Variants in TM2D1 observed in about 807,000 individuals in gnomAD.
TM2D1 encodes the protein TM2 domain-containing protein 1.
A neutral mutation model predicts 28.4 loss-of-function variants in TM2D1; 15 were observed. The ratio of observed to expected loss-of-function variants is 0.53; its 90% CI spans 0.35 to 0.81. The LOEUF (loss-of-function observed/expected upper bound fraction) is 0.81. TM2D1 is among the 40% of genes least tolerant of loss of function. The probability of loss-of-function intolerance (pLI) is 0.01; values close to 1 mark genes in which losing one functional copy is unlikely to be tolerated. For missense variants in TM2D1, 236 were observed against 254.9 expected (o/e 0.93, Z 0.50); for synonymous variants, 93 against 96.2 (o/e 0.97, Z 0.20).
chr1:61,724,930 T>C (rs755200587), intron 1 of TM2D1, 27 bp downstream of exon 1: 1 of 1,563,108 alleles, frequency 6.4e-7, no homozygotes, highest in Admixed American at 1.8e-5. Context: ...CTCGCCTCCA[T>C]GGGGGGGTGT....
At chr1:61,700,129 G>T in intron 4 of TM2D1, 2 of 1,484,470 alleles carry the variant, frequency 1.3e-6, no homozygotes, top group Non-Finnish European at 1.8e-6. Context: ...GAGGTCACTA[G>T]CTGAGTGTCC....
At chr1:61,705,860 G>C (rs1644436630) in intron 3 of TM2D1, among the ~76,000 whole-genome samples, 1 of 152,078 alleles carries the variant, frequency 6.6e-6, no homozygotes, top group South Asian at 2.1e-4. Context: ...TCATCAATCA[G>C]ACATGGTTAC....
chr1:61,722,335 T>C (rs1013671967), intron 2 of TM2D1, among the ~76,000 whole-genome samples: 9 of 152,056 alleles, frequency 5.9e-5, no homozygotes, highest in Non-Finnish European at 4.4e-5. Context: ...TTAGTATGTA[T>C]ACATTTATTT....
chr1:61,707,821 C>CT (rs1644451539), intron 3 of TM2D1, among the ~76,000 whole-genome samples: 1 of 151,956 alleles, frequency 6.6e-6, no homozygotes, highest in South Asian at 2.1e-4. Context: ...TGGTTTATTT[C>CT]TTTTTTTTCT....
chr1:61,697,483 G>A (rs889632273), intron 4 of TM2D1: 2 of 152,072 alleles, frequency 1.3e-5, no homozygotes, highest in Non-Finnish European at 2.9e-5. Flanking sequence ...GAAATTACAA[G>A]TGTGAGTCAC....
intron 4 of TM2D1, 77 bp downstream of exon 4, chr1:61,700,857 A>G (rs1467695119): frequency 2.9e-6 from 3 of 1,034,942 alleles, no homozygotes; most frequent in Non-Finnish European, 4.3e-6. Context: ...ATACACAGAG[A>G]TTTAATCCAT....
chr1:61,694,629 A>G, intron 5 of TM2D1, 68 bp downstream of exon 5: 1 of 1,056,298 alleles, frequency 9.5e-7, no homozygotes, highest in South Asian at 1.5e-5. Flanking sequence ...CATTTTAAAT[A>G]GAACAGGAGA....
At position 61,707,215 on chromosome 1, in the gene TM2D1, G is replaced by A. The variant is rs146230737; in HGVS notation, c.347+2114C>T. Among the ~76,000 whole-genome samples the A allele has an allele frequency of 1.4e-3, 214 of 151,788 alleles. 3 individuals are homozygous for A. In the East Asian group the frequency reaches 0.032, roughly 23 times the overall value. On this transcript the variant is annotated intron_variant, in intron 3 of 6. Coordinates refer to ENST00000606498, the MANE Select transcript of TM2D1 (RefSeq NM_032027.3). ...GGCTGCAATGAGACATGATTGTGAC[G>A]CTGCACTCCAGCCTGGGCTACAGAG...
chr1:61,714,585 G>C (rs1421291665), intron 2 of TM2D1, among the ~76,000 whole-genome samples: 1 of 152,016 alleles, frequency 6.6e-6, no homozygotes, highest in East Asian at 1.9e-4. Context: ...TTTGTGGCAG[G>C]GTCTTGTCAC....
At chr1:61,716,999 C>T (rs2148066161) in intron 2 of TM2D1, among the ~76,000 whole-genome samples, 1 of 152,210 alleles carries the variant, frequency 6.6e-6, no homozygotes, top group South Asian at 2.1e-4. Context: ...TTATCCCATG[C>T]TAACACTGAT....
intron 2 of TM2D1, among the ~76,000 whole-genome samples, chr1:61,711,150 C>A (rs1644475613): frequency 6.6e-6 from 1 of 151,956 alleles, no homozygotes; most frequent in Admixed American, 6.6e-5. Context: ...CCAGCCTGGG[C>A]AACATGGCGA....
Position 61,681,140 on chromosome 1 carries a change from T to C in TM2D1, c.*230A>G, listed in dbSNP as rs912035270. ...TAAAGAGTATCAGAGTAATAAGCTA[T>C]CTCTCATAGAGACAGAAGCCCGAGA... On this transcript the variant is annotated 3_prime_UTR_variant, in exon 7 of 7. Transcript: ENST00000606498. 1.3e-5 allele frequency: 2 copies of C among 153,722 alleles called. No individual in the cohort carries two copies. Among genetic ancestry groups the C allele is most frequent in the African/African-American group, 4.8e-5 (2 of 41,444 alleles). The allele number at this position is 153,722 out of a possible 1,614,324, so 9.5% of individuals were successfully genotyped here. A position where few individuals can be genotyped will look rare whatever the true frequency, so the allele number is the denominator to read the frequency against.
chr1:61,719,581 C>T (rs902191116), intron 2 of TM2D1, among the ~76,000 whole-genome samples: 1 of 152,026 alleles, frequency 6.6e-6, no homozygotes, highest in Non-Finnish European at 1.5e-5. Context: ...CAACCTCCAC[C>T]TCCCGGGTTC....
intron 2 of TM2D1, among the ~76,000 whole-genome samples, chr1:61,723,153 C>T (rs980302141): frequency 1.3e-5 from 2 of 152,112 alleles, no homozygotes; most frequent in African/African-American, 4.8e-5. Context: ...TAAATACACA[C>T]ACATAAACAC....
At position 61,694,347 on chromosome 1, in the gene TM2D1, AT is replaced by A. The variant is rs572383627; in HGVS notation, c.513+349del. 7.5e-4 allele frequency: 121 copies of A among 161,988 alleles called. No individual in the cohort carries two copies. In the South Asian group the frequency reaches 7.7e-3, roughly 10 times the overall value. 10.0% of individuals were successfully genotyped at this position (161,988 alleles called of 1,614,324 possible). Reference sequence around the variant, plus strand: ...TGAGGAAAAGAAACGGGTTTGAAAAATAACCACAATCCCTCTTAGAGACAAC... The same window carrying A: ...TGAGGAAAAGAAACGGGTTTGAAAAAAACCACAATCCCTCTTAGAGACAAC... On this transcript the variant is annotated intron_variant, in intron 5 of 6. Transcript: ENST00000606498.
chr1:61,713,500 A>G lies in TM2D1; in HGVS notation c.239-4063T>C, dbSNP rs901516478. On this transcript the variant is annotated intron_variant, in intron 2 of 6. Coordinates refer to ENST00000606498, the MANE Select transcript of TM2D1 (RefSeq NM_032027.3). ...CGCAACTCAAAAACAAAAAAAAAAA[A>G]AAAAAAAAAGGAGGGGTCTGCAAAA... 3.0e-3 allele frequency among the ~76,000 whole-genome samples: 433 copies of G among 146,228 alleles called. 4 individuals are homozygous for G. Among genetic ancestry groups the G allele is most frequent in the African/African-American group, 0.011 (406 of 36,370 alleles).
At chr1:61,688,556 T>G (rs185370700) in intron 5 of TM2D1, among the ~76,000 whole-genome samples, 9 of 151,164 alleles carry the variant, frequency 6.0e-5, no homozygotes, top group Middle Eastern at 6.9e-3. Flanking sequence ...AATCCCGTGT[T>G]TACTAAAAAT....
chr1:61,713,924 T>G (rs906374805), intron 2 of TM2D1, among the ~76,000 whole-genome samples: 6 of 142,476 alleles, frequency 4.2e-5, no homozygotes, highest in African/African-American at 1.6e-4. Flanking sequence ...AGTCTCGCTC[T>G]GTCGCCCAGG....
chr1:61,684,869 C>A (rs1151755), intron 5 of TM2D1, among the ~76,000 whole-genome samples: 2 of 152,160 alleles, frequency 1.3e-5, no homozygotes, highest in Non-Finnish European at 2.9e-5. Flanking sequence ...ACCTCCCCCC[C>A]GGGGCTCTAG....
Sources: gnomAD v4.1 joint callset for allele counts (sites outside exome capture counted in the v4.1 genomes callset) on GRCh38, gnomAD v4.1.1 for gene constraint, MANE v1.5 for transcripts, NCBI Gene and HGNC (gene_info 2026-07-23, HGNC 2026-07-21) for gene names.